The following IL5RA variants were observed in gnomAD, a reference collection of about 807,000 sequenced individuals.
IL5RA encodes the protein interleukin 5 receptor subunit alpha.
A neutral mutation model predicts 50.0 loss-of-function variants in IL5RA; 49 were observed. That is an observed-to-expected ratio of 0.98 (90% CI 0.78 to 1.24). IL5RA has a LOEUF of 1.24. Among genes scored for constraint, IL5RA ranks in the 50% most tolerant of loss-of-function variants. The pLI, the probability that IL5RA is intolerant of heterozygous loss-of-function variation, is 0.00. For synonymous variants in IL5RA, 202 were observed against 174.0 expected, an observed-to-expected ratio of 1.16 and a Z score of -1.26; for missense variants, 600 against 500.4, an observed-to-expected ratio of 1.20 and a Z score of -1.90.
chr3:3,069,789 A>C lies in IL5RA; in HGVS notation c.*436T>G. 1 of 161,608 alleles carries C rather than the reference A, an allele frequency of 6.2e-6. No individual in the cohort carries two copies. The highest frequency in any genetic ancestry group is 1.3e-5 in the Non-Finnish European group (1 of 74,412). 10.0% of individuals were successfully genotyped at this position (161,608 alleles called of 1,614,324 possible). ...CAAGTTCATGGTTCACTCCAGGCTG[A>C]TGCAAAATGCTTTCTTCCTCAGATG... On this transcript the variant is annotated 3_prime_UTR_variant, in exon 12 of 12. Coordinates refer to ENST00000446632, the MANE Select transcript of IL5RA (RefSeq NM_175726.4).
intron 9 of IL5RA, among the ~76,000 whole-genome samples, chr3:3,084,790 C>T (rs1702792449): frequency 6.6e-6 from 1 of 152,276 alleles, no homozygotes; most frequent in Non-Finnish European, 1.5e-5. Context: ...CACCTCTCTG[C>T]ATCTGTTTTC....
At position 3,108,578 on chromosome 3, in the gene IL5RA, C is replaced by T. The variant is rs1412763369; in HGVS notation, c.-32G>A. On this transcript the variant is annotated 5_prime_UTR_variant, in exon 2 of 12. Coordinates refer to ENST00000446632, the MANE Select transcript of IL5RA (RefSeq NM_175726.4). ...TCTACAGACGATCCTCTTGTTCCGA[C>T]CAGTACTCAACAGAAGATGGCGAGG... 6.6e-6 allele frequency: 1 copy of T among 152,262 alleles called. No homozygotes were observed. Among genetic ancestry groups the T allele is most frequent in the Non-Finnish European group, 1.5e-5 (1 of 68,050 alleles). The allele number at this position is 152,262 out of a possible 1,614,324, so 9.4% of individuals were successfully genotyped here.
chr3:3,084,144 C>G (rs1156630424), intron 9 of IL5RA, among the ~76,000 whole-genome samples: 1 of 151,982 alleles, frequency 6.6e-6, no homozygotes, highest in East Asian at 1.9e-4. Context: ...CTTCTATGTC[C>G]TGCATTATAA....
At position 3,092,350 on chromosome 3, in the gene IL5RA, T is replaced by C; in HGVS notation, c.868A>G (p.Met290Val). Residue 290 changes from methionine to valine, a missense_variant, in exon 9 of 12, where the codon ATG becomes GTG. Physicochemically the swap from Met to Val is conservative, Grantham distance 21. Transcript: ENST00000446632. The surrounding 1 kb of genome is among the most constrained non-coding windows in gnomAD (Gnocchi z 4.2). The stretch of plus-strand genomic sequence containing the variant: ...ATTATTGAGATGAATGCATTGGTCA[T>C]CAATTTTTCTATCTAAGTGGGGAAA... ...RNGYLQIEKL[M>V]TNAFISIIDD... 2 of 1,613,310 alleles carry C rather than the reference T, an allele frequency of 1.2e-6. No individual in the cohort carries two copies. Among genetic ancestry groups the C allele is most frequent in the East Asian group, 2.2e-5 (1 of 44,878 alleles).
Position 3,098,219 on chromosome 3 carries a change from T to C in IL5RA, c.439A>G (p.Arg147Gly). Residue 147 changes from arginine to glycine, a missense_variant, in exon 6 of 12, where the codon AGG (arginine) becomes GGG (glycine). By Grantham distance (125) the Arg-to-Gly change is moderately radical (BLOSUM62 -2). Transcript: ENST00000446632. ...NTTEDNYSRL[R>G]SYQVSLHCTW... ...CAGTGAAGGGAAACTTGGTATGACC[T>C]TAAACGTGAATAATTGTCTTCTGTA... 6.2e-7 allele frequency: 1 copy of C among 1,614,074 alleles called. No homozygotes were observed. Among genetic ancestry groups the C allele is most frequent in the Non-Finnish European group, 8.5e-7 (1 of 1,179,918 alleles).
intron 5 of IL5RA, among the ~76,000 whole-genome samples, chr3:3,101,010 TA>T (rs1229387013): frequency 1.6e-5 from 2 of 125,826 alleles, no homozygotes; most frequent in African/African-American, 5.3e-5. Context: ...ATAATAATAA[TA>T]ATAATAATAA....
chr3:3,103,260 T>C (rs1341420596), intron 3 of IL5RA, among the ~76,000 whole-genome samples: 10 of 152,256 alleles, frequency 6.6e-5, no homozygotes, highest in Non-Finnish European at 8.8e-5. Context: ...ATAATACCTA[T>C]ATTTTTATTG....
intron 9 of IL5RA, among the ~76,000 whole-genome samples, chr3:3,078,400 A>C (rs1399938707): frequency 1.3e-5 from 2 of 152,178 alleles, no homozygotes; most frequent in African/African-American, 4.8e-5. Flanking sequence ...ACCTCCCGAA[A>C]GTTTTAATCT....
At chr3:3,090,624 T>C (rs954004581) in intron 9 of IL5RA, among the ~76,000 whole-genome samples, 3 of 146,774 alleles carry the variant, frequency 2.0e-5, no homozygotes, top group African/African-American at 7.8e-5. Flanking sequence ...TGGAGTGCAG[T>C]GGTGCGATCT....
intron 9 of IL5RA, among the ~76,000 whole-genome samples, chr3:3,079,385 G>A (rs1363422325): frequency 6.6e-6 from 1 of 152,056 alleles, no homozygotes; most frequent in Admixed American, 6.6e-5. Flanking sequence ...ATTCTTCCAA[G>A]CCCCCAGACC....
chr3:3,106,697 C>T (rs534222627), intron 2 of IL5RA, among the ~76,000 whole-genome samples: 1 of 152,118 alleles, frequency 6.6e-6, no homozygotes, highest in South Asian at 2.1e-4. Context: ...GATAAAAATT[C>T]CTTAAGAACA....
Position 3,068,241 on chromosome 3 carries a change from A to C in IL5RA, c.*1984T>G, listed in dbSNP as rs980948250. On this transcript the variant is annotated 3_prime_UTR_variant, in exon 12 of 12. Coordinates refer to ENST00000446632, the MANE Select transcript of IL5RA (RefSeq NM_175726.4). ...TCCTCTGTGTCTTAAGGAGCCCTCC[A>C]GGCGCCTCTGATTCTGACCTAAGGT... 1.3e-5 allele frequency: 2 copies of C among 152,022 alleles called. No individual in the cohort carries two copies. The highest frequency in any genetic ancestry group is 4.8e-5 in the African/African-American group (2 of 41,386). The allele number at this position is 152,022 out of a possible 1,614,324, so 9.4% of individuals were successfully genotyped here. A position where few individuals can be genotyped will look rare whatever the true frequency, so the allele number is the denominator to read the frequency against.
intron 10 of IL5RA, among the ~76,000 whole-genome samples, chr3:3,075,360 G>A (rs910500169): frequency 6.6e-6 from 1 of 151,612 alleles, no homozygotes; most frequent in Admixed American, 6.6e-5. Context: ...ATGCCACTGC[G>A]CTCAGCTAAT....
rs71058670 is a variant in IL5RA at position 3,070,575 on chromosome 3, C to CTTTT, written c.1177-268_1177-265dup. On this transcript the variant is annotated intron_variant, in intron 11 of 11. Coordinates refer to ENST00000446632, the MANE Select transcript of IL5RA (RefSeq NM_175726.4). Reference sequence around the variant, plus strand: ...TACTTGAAGTCATATGGATACACATCTTTTTTTTTTTTTTTTTTTTTTTTT... The same window carrying CTTTT: ...TACTTGAAGTCATATGGATACACATCTTTTTTTTTTTTTTTTTTTTTTTTTTTTT... Among the ~76,000 whole-genome samples, 123 of 84,908 alleles carry CTTTT rather than the reference C, an allele frequency of 1.4e-3. 11 individuals carry two copies. The highest frequency in any genetic ancestry group is 5.9e-3 in the South Asian group (13 of 2,196). 55.7% of individuals were successfully genotyped at this position (84,908 alleles called of 152,430 possible). A position where few individuals can be genotyped will look rare whatever the true frequency, so the allele number is the denominator to read the frequency against.
intron 9 of IL5RA, among the ~76,000 whole-genome samples, chr3:3,081,087 A>C (rs1702648613): frequency 1.3e-5 from 2 of 152,168 alleles, no homozygotes; most frequent in African/African-American, 4.8e-5. Context: ...TTTGTTAAAT[A>C]ATGGAAAACA....
Position 3,095,396 on chromosome 3 carries a change from C to A in IL5RA, c.758G>T (p.Arg253Leu), listed in dbSNP as rs771055940. Reference protein sequence around the residue: ...LNVTAEIEGTRLSIQWEKPVS... With the variant: ...LNVTAEIEGTLLSIQWEKPVS... ...TGGTTTCTCCCATTGGATAGAGAGA[C>A]GAGTTCCTTCAATCTCTGCTGTGAC... Residue 253 changes from arginine (R) to leucine (L), a missense_variant, in exon 8 of 12, where the codon CGT becomes CTT. By Grantham distance (102) the Arg-to-Leu change is moderately radical. Transcript: ENST00000446632. The A allele has an allele frequency of 4.3e-6, 7 of 1,611,522 alleles. No individual in the cohort carries two copies. The highest frequency in any genetic ancestry group is 5.1e-6 in the Non-Finnish European group (6 of 1,177,972).
chr3:3,074,762 A>G lies in IL5RA; in HGVS notation c.1176+20T>C, dbSNP rs371452304. On this transcript the variant is annotated intron_variant, in intron 11 of 11. Transcript: ENST00000446632. ...CAACCCTGGACACATACGGCATATC[A>G]TAAGAACTTTCAACATTACCTCATA... is the stretch of plus-strand genomic sequence containing the variant. 2.1e-6 allele frequency: 3 copies of G among 1,450,746 alleles called. No homozygotes were observed. Among genetic ancestry groups the G allele is most frequent in the Non-Finnish European group, 2.9e-6 (3 of 1,031,260 alleles). The allele number at this position is 1,450,746 out of a possible 1,614,324, so 89.9% of individuals were successfully genotyped here.
Position 3,092,874 on chromosome 3 carries a change from C to A in IL5RA, c.856-512G>T, listed in dbSNP as rs565056065. On this transcript the variant is annotated intron_variant, in intron 8 of 11. Coordinates refer to ENST00000446632, the MANE Select transcript of IL5RA (RefSeq NM_175726.4). This position sits in a 1 kb window ranked among gnomAD's most constrained non-coding sequence, Gnocchi z 4.2. ...GCTCCTGACACCTGTATCTTGAATACCCCCGGAGGTGTTTCTCCCTTTTTT... is the reference window on the plus strand; with the variant it reads ...GCTCCTGACACCTGTATCTTGAATAACCCCGGAGGTGTTTCTCCCTTTTTT... Among the ~76,000 whole-genome samples, 9 of 152,232 alleles carry A rather than the reference C, an allele frequency of 5.9e-5. No homozygotes were observed. The highest frequency in any genetic ancestry group is 1.9e-4 in the African/African-American group (8 of 41,548).
At chr3:3,074,234 C>T (rs1190556937) in intron 11 of IL5RA, among the ~76,000 whole-genome samples, 2 of 152,208 alleles carry the variant, frequency 1.3e-5, no homozygotes, top group African/African-American at 4.8e-5. Flanking sequence ...TCTCTATTAA[C>T]TAAGATATTC....
Sources: allele counts gnomAD v4.1 joint callset (sites outside exome capture counted in the v4.1 genomes callset), GRCh38; gene constraint gnomAD v4.1.1; non-coding constraint Gnocchi (gnomAD v3.1); transcripts MANE v1.5; gene names NCBI Gene and HGNC (gene_info 2026-07-23, HGNC 2026-07-21).